The following KIAA1549L variants were observed in gnomAD, a reference collection of about 807,000 sequenced individuals.
The protein encoded by KIAA1549L is KIAA1549 like, also known as UPF0606 protein KIAA1549L.
A neutral mutation model predicts 160.7 loss-of-function variants in KIAA1549L; 88 were observed. The ratio of observed to expected loss-of-function variants is 0.55; its 90% CI spans 0.46 to 0.65. The LOEUF (loss-of-function observed/expected upper bound fraction) is 0.65, where lower values mean the gene tolerates loss of function less well. Ranked by LOEUF, KIAA1549L falls within the 30% of genes least tolerant of loss-of-function variation. The probability of loss-of-function intolerance (pLI) is 0.00; values close to 1 mark genes in which losing one functional copy is unlikely to be tolerated. For synonymous variants in KIAA1549L, 950 were observed against 976.7 expected, an observed-to-expected ratio of 0.97 and a Z score of 0.51; for missense variants, 2,258 against 2,437.5, an observed-to-expected ratio of 0.93 and a Z score of 1.55.
intron 16 of KIAA1549L, among the ~76,000 whole-genome samples, chr11:33,643,375 G>T (rs1315944412): frequency 6.6e-6 from 1 of 152,158 alleles, no homozygotes; most frequent in Admixed American, 6.5e-5. Context: ...GGGGCAGTGG[G>T]AATAGGGAGA....
At chr11:33,460,341 T>C (rs1851917709) in intron 1 of KIAA1549L, among the ~76,000 whole-genome samples, 1 of 152,136 alleles carries the variant, frequency 6.6e-6, no homozygotes, top group Non-Finnish European at 1.5e-5. Context: ...CATCCCTGAT[T>C]TTGAAGAACT....
Position 33,543,455 on chromosome 11 carries a change from C to G in KIAA1549L, c.1892C>G (p.Ser631Cys), listed in dbSNP as rs375294941. The change falls in exon 2 of 21, where the codon TCC becomes TGC. Residue 631 changes from serine (S) to cysteine (C), a missense_variant. Ser to Cys is a moderately radical substitution (Grantham distance 112). Around this residue, in one of 6 missense-constraint regions of KIAA1549L, gnomAD observed 20 missense variants for 23.2 expected, o/e 0.86. Transcript: ENST00000658780. Reference sequence around the variant, plus strand: ...GGACCACCTCTACCTTCCATACTCTCCATACAAGCCACCCAGACTGTTTTC... The same window carrying G: ...GGACCACCTCTACCTTCCATACTCTGCATACAAGCCACCCAGACTGTTTTC... ...PSGPPLPSILSIQATQTVFPS... is the reference protein window; with the variant it reads ...PSGPPLPSILCIQATQTVFPS... 4.0e-5 allele frequency: 64 copies of G among 1,613,940 alleles called. No homozygotes were observed. Among genetic ancestry groups the G allele is most frequent in the Admixed American group, 5.0e-5 (3 of 60,010 alleles).
In KIAA1549L at chr11:33,490,980, C is replaced by G. The variant is rs548133030; in HGVS notation, c.239-50822C>G. The stretch of plus-strand genomic sequence containing the variant: ...ACAAATAGAATCAGCCTGTTCATGC[C>G]TCTGTTTATTTTAGCACTTTGTTCC... On this transcript the variant is annotated intron_variant, in intron 1 of 20. Coordinates refer to ENST00000658780, the MANE Select transcript of KIAA1549L (RefSeq NM_012194.3). Among the ~76,000 whole-genome samples the G allele has an allele frequency of 2.2e-3, 329 of 152,288 alleles. 2 individuals are homozygous for G. Among genetic ancestry groups the G allele is most frequent in the African/African-American group, 7.5e-3 (311 of 41,546 alleles).
At chr11:33,477,931 A>G (rs1195848110) in intron 1 of KIAA1549L, among the ~76,000 whole-genome samples, 1 of 152,238 alleles carries the variant, frequency 6.6e-6, no homozygotes, top group East Asian at 1.9e-4. Context: ...GAACAGCCCC[A>G]GAGGCACAGA....
At chr11:33,490,025 G>A (rs1187201712) in intron 1 of KIAA1549L, among the ~76,000 whole-genome samples, 1 of 152,086 alleles carries the variant, frequency 6.6e-6, no homozygotes, top group Non-Finnish European at 1.5e-5. Context: ...GAGAAATTAG[G>A]TGACTCACCC....
intron 1 of KIAA1549L, among the ~76,000 whole-genome samples, chr11:33,423,460 G>T (rs1247482435): frequency 1.3e-5 from 2 of 152,192 alleles, no homozygotes; most frequent in East Asian, 3.9e-4. Context: ...ACTTGCAGTG[G>T]CAGAGCATTC....
At chr11:33,630,373 C>T (rs1025018649) in intron 16 of KIAA1549L, among the ~76,000 whole-genome samples, 2 of 152,258 alleles carry the variant, frequency 1.3e-5, no homozygotes, top group Non-Finnish European at 1.5e-5. Flanking sequence ...GCGCCCCTCC[C>T]CCAGCCTCGC....
intron 17 of KIAA1549L, among the ~76,000 whole-genome samples, chr11:33,648,010 A>G (rs921410950): frequency 2.0e-5 from 3 of 150,758 alleles, no homozygotes; most frequent in African/African-American, 7.3e-5. Context: ...CTTTTCTGAG[A>G]CTGAGTCTCA....
At chr11:33,524,885 A>G (rs1853578060) in intron 1 of KIAA1549L, among the ~76,000 whole-genome samples, 1 of 152,228 alleles carries the variant, frequency 6.6e-6, no homozygotes, top group South Asian at 2.1e-4. Context: ...GAAAAATCTA[A>G]TGCAGAAGCA....
chr11:33,512,640 C>T (rs1176750616), intron 1 of KIAA1549L, among the ~76,000 whole-genome samples: 1 of 152,092 alleles, frequency 6.6e-6, no homozygotes, highest in African/African-American at 2.4e-5. Context: ...AGGCTGGTCT[C>T]CAACTCCTGG....
intron 9 of KIAA1549L, among the ~76,000 whole-genome samples, chr11:33,570,006 C>CTTTTTT (rs34297267): frequency 2.2e-5 from 3 of 134,558 alleles, no homozygotes; most frequent in East Asian, 2.2e-4. Context: ...CTCTCTCTCT[C>CTTTTTT]TTTTTTTTTT....
intron 1 of KIAA1549L, among the ~76,000 whole-genome samples, chr11:33,469,487 TG>T (rs775178352): frequency 3.3e-5 from 5 of 152,230 alleles, no homozygotes; most frequent in Non-Finnish European, 5.9e-5. Flanking sequence ...TGAATGTTCA[TG>T]TACAAATTCT....
At chr11:33,418,009 C>T (rs991409773) in intron 1 of KIAA1549L, among the ~76,000 whole-genome samples, 2 of 152,180 alleles carry the variant, frequency 1.3e-5, no homozygotes, top group African/African-American at 4.8e-5. Flanking sequence ...AAACTCCTGA[C>T]CTCAAGTGAT....
At chr11:33,458,730 G>A (rs1254833684) in intron 1 of KIAA1549L, among the ~76,000 whole-genome samples, 1 of 152,224 alleles carries the variant, frequency 6.6e-6, no homozygotes, top group Non-Finnish European at 1.5e-5. Context: ...AAGGGCAAGT[G>A]GCCCCTACCC....
chr11:33,461,791 C>T (rs902311683), intron 1 of KIAA1549L, among the ~76,000 whole-genome samples: 2 of 152,162 alleles, frequency 1.3e-5, no homozygotes, highest in African/African-American at 4.8e-5. Context: ...TATCATTATG[C>T]TCCTTATTTT....
rs574535908 is a variant in KIAA1549L at position 33,537,390 on chromosome 11, G to A, written c.239-4412G>A. Among the ~76,000 whole-genome samples the A allele has an allele frequency of 6.5e-4, 99 of 152,040 alleles. 1 individual carries two copies. The highest frequency in any genetic ancestry group is 1.3e-3 in the Non-Finnish European group (89 of 68,020). ...GACCATGTATGTTTTTCCTTAAGAC[G>A]TTGCTTAACTCAGTGTCTGGCATAC... On this transcript the variant is annotated intron_variant, in intron 1 of 20. Transcript: ENST00000658780.
chr11:33,602,624 C>A (rs1169732419), intron 13 of KIAA1549L, among the ~76,000 whole-genome samples: 1 of 151,952 alleles, frequency 6.6e-6, no homozygotes, highest in Non-Finnish European at 1.5e-5. Context: ...TACAAGATAA[C>A]TATTCAGTGG....
Position 33,671,581 on chromosome 11 carries a change from A to AACACACACACACACACACACACACAC in KIAA1549L, c.*3438_*3463dup, listed in dbSNP as rs3042014. 9.7e-5 allele frequency: 14 copies of AACACACACACACACACACACACACAC among 143,710 alleles called. No individual in the cohort carries two copies. Among genetic ancestry groups the AACACACACACACACACACACACACAC allele is most frequent in the African/African-American group, 2.6e-4 (10 of 39,080 alleles). 8.9% of individuals were successfully genotyped at this position (143,710 alleles called of 1,614,324 possible). On this transcript the variant is annotated 3_prime_UTR_variant, in exon 21 of 21. Transcript: ENST00000658780. Reference sequence around the variant, plus strand: ...AGAAAGGAAATAGATCTGTGATTAAAACACACACACACACACACACACACA... The same window carrying AACACACACACACACACACACACACAC: ...AGAAAGGAAATAGATCTGTGATTAAAACACACACACACACACACACACACACACACACACACACACACACACACACA...
chr11:33,500,630 A>T (rs1852925895), intron 1 of KIAA1549L, among the ~76,000 whole-genome samples: 1 of 152,144 alleles, frequency 6.6e-6, no homozygotes, highest in African/African-American at 2.4e-5. Flanking sequence ...GTAGTTTATT[A>T]TATATTTCAA....
Sources: gnomAD v4.1 joint callset for allele counts (sites outside exome capture counted in the v4.1 genomes callset) on GRCh38, gnomAD v4.1.1 for gene constraint, gnomAD v4.1.1 regional missense constraint, MANE v1.5 for transcripts, NCBI Gene and HGNC (gene_info 2026-07-23, HGNC 2026-07-21) for gene names.